The following PARD3B variants were observed in gnomAD, a reference collection of about 807,000 sequenced individuals.
PARD3B encodes partitioning defective 3 homolog B.
A neutral mutation model predicts 130.2 loss-of-function variants in PARD3B; 103 were observed. The ratio of observed to expected loss-of-function variants is 0.79; its 90% confidence interval spans 0.67 to 0.93. The LOEUF (loss-of-function observed/expected upper bound fraction) is 0.93. Among genes scored for constraint, PARD3B ranks in the 40% least tolerant of loss-of-function variants. PARD3B has a pLI of 0.00. For missense variants in PARD3B, 1,609 were observed against 1,499.2 expected (o/e 1.07, Z -1.21); for synonymous variants, 583 against 553.2 (o/e 1.05, Z -0.76).
At chr2:204,550,075 A>G (rs963913420) in intron 1 of PARD3B, among the ~76,000 whole-genome samples, 16 of 152,332 alleles carry the variant, frequency 1.1e-4, no homozygotes, top group African/African-American at 3.6e-4. Context: ...TTCATTTTAT[A>G]TAGACAGTTG....
chr2:205,183,768 G>GTC lies in PARD3B; in HGVS notation c.1925-1995_1925-1994insCT, dbSNP rs1390884831. Among the ~76,000 whole-genome samples, 5 of 150,602 alleles carry GTC rather than the reference G, an allele frequency of 3.3e-5. No individual in the cohort carries two copies. In the East Asian group the frequency reaches 9.7e-4, roughly 29 times the overall value. ...TGTGTGTGTGTGTGTGTGTGTGTGT[G>GTC]TGTGTGAACAGATTTATGATAAGGA... On this transcript the variant is annotated intron_variant, in intron 13 of 22. Coordinates refer to ENST00000406610, the MANE Select transcript of PARD3B (RefSeq NM_001302769.2). This position sits in a 1 kb window ranked among gnomAD's most constrained non-coding sequence, Gnocchi z 5.2.
At chr2:205,615,345 C>A in intron 22 of PARD3B, 111 bp from the exon 23 acceptor site, 1 of 834,402 alleles carries the variant, frequency 1.2e-6, no homozygotes, top group African/African-American at 1.7e-5. Flanking sequence ...ATCCCATTGG[C>A]CAGACCTATG....
chr2:205,534,397 AGT>A (rs2051744227), intron 21 of PARD3B, among the ~76,000 whole-genome samples: 1 of 151,830 alleles, frequency 6.6e-6, no homozygotes, highest in Non-Finnish European at 1.5e-5. Context: ...GAGGAGAGTG[AGT>A]GAGAAGGAGA....
chr2:205,003,378 G>A (rs1215507203), intron 3 of PARD3B, among the ~76,000 whole-genome samples: 1 of 152,056 alleles, frequency 6.6e-6, no homozygotes, highest in Non-Finnish European at 1.5e-5. Flanking sequence ...GGGCATTGGG[G>A]GTGGTTATTC....
rs528939587 is a variant in PARD3B, at chr2:205,407,746, T to C, written c.2741+6623T>C. On this transcript the variant is annotated intron_variant, in intron 19 of 22. Coordinates refer to ENST00000406610, the MANE Select transcript of PARD3B (RefSeq NM_001302769.2). The surrounding 1 kb of genome is among the most constrained non-coding windows in gnomAD (Gnocchi z 4.1). ...CACTGACACCAAAGACTGTCTTCCA[T>C]TGAAGTCCCATATTACTGACCCTGA... 1.8e-4 allele frequency among the ~76,000 whole-genome samples: 27 copies of C among 152,264 alleles called. No homozygotes were observed. The highest frequency in any genetic ancestry group is 1.7e-3 in the South Asian group (8 of 4,822).
At chr2:205,084,096 C>CA (rs558330125) in intron 4 of PARD3B, among the ~76,000 whole-genome samples, 9 of 151,866 alleles carry the variant, frequency 5.9e-5, no homozygotes, top group South Asian at 2.1e-4. Flanking sequence ...TCAAATATCT[C>CA]AAAAAAAATC....
chr2:204,605,239 C>T lies in PARD3B; in HGVS notation c.120+59120C>T, dbSNP rs181078439. Among the ~76,000 whole-genome samples, 334 of 152,262 alleles carry T rather than the reference C, an allele frequency of 2.2e-3. 3 individuals carry two copies. The highest frequency in any genetic ancestry group is 7.4e-3 in the African/African-American group (308 of 41,566). The stretch of plus-strand genomic sequence containing the variant: ...TTCAAGGAGAGGGGAATTAGACTTT[C>T]CATGCCAATGAGAGGAGTAGCAAAG... On this transcript the variant is annotated intron_variant, in intron 1 of 22. Transcript: ENST00000406610.
intron 15 of PARD3B, among the ~76,000 whole-genome samples, chr2:205,227,044 A>G (rs948553648): frequency 6.6e-6 from 1 of 150,568 alleles, no homozygotes; most frequent in Non-Finnish European, 1.5e-5. Context: ...AATATACTCG[A>G]TATAATTTCA....
chr2:204,747,881 C>T (rs1443177956), intron 2 of PARD3B, among the ~76,000 whole-genome samples: 5 of 151,954 alleles, frequency 3.3e-5, no homozygotes, highest in South Asian at 2.1e-4. Context: ...TTAATTTTAT[C>T]GCATTTACTA....
chr2:205,056,902 T>C lies in PARD3B; in HGVS notation c.504+9212T>C, dbSNP rs202179443. Among the ~76,000 whole-genome samples, 260 of 142,084 alleles carry C rather than the reference T, an allele frequency of 1.8e-3. 1 individual carries two copies. The highest frequency in any genetic ancestry group is 6.4e-3 in the African/African-American group (251 of 39,258). The allele number at this position is 142,084 out of a possible 152,430, so 93.2% of individuals were successfully genotyped here. On this transcript the variant is annotated intron_variant, in intron 4 of 22. Transcript: ENST00000406610. Reference sequence around the variant, plus strand: ...GGACACAAACACACACACACACACATACACACACACACATATATATATATA... The same window carrying C: ...GGACACAAACACACACACACACACACACACACACACACATATATATATATA...
intron 1 of PARD3B, among the ~76,000 whole-genome samples, chr2:204,670,194 A>G (rs1043503392): frequency 6.6e-6 from 1 of 152,206 alleles, no homozygotes; most frequent in Admixed American, 6.5e-5. Flanking sequence ...AGGGTTGGCA[A>G]AGTTATCTGT....
intron 19 of PARD3B, among the ~76,000 whole-genome samples, chr2:205,414,360 T>C (rs2046703429): frequency 6.6e-6 from 1 of 152,192 alleles, no homozygotes; most frequent in African/African-American, 2.4e-5. Context: ...AAAGAGAAGA[T>C]ATTCAGTAAA....
At chr2:204,729,288 G>C (rs892162974) in intron 2 of PARD3B, among the ~76,000 whole-genome samples, 3 of 152,140 alleles carry the variant, frequency 2.0e-5, no homozygotes, top group Admixed American at 1.3e-4. Flanking sequence ...CATTGATACT[G>C]ATGTCTCTTT....
intron 1 of PARD3B, among the ~76,000 whole-genome samples, chr2:204,653,659 C>T (rs1462910424): frequency 2.7e-5 from 4 of 150,178 alleles, no homozygotes; most frequent in African/African-American, 5.0e-5. Flanking sequence ...GGCATGGTAG[C>T]GGGCGCCTGT....
intron 3 of PARD3B, among the ~76,000 whole-genome samples, chr2:205,034,929 T>G (rs1226154043): frequency 6.6e-6 from 1 of 152,176 alleles, no homozygotes; most frequent in Non-Finnish European, 1.5e-5. Flanking sequence ...CTATCTCAGC[T>G]TACTGCAACC....
chr2:205,448,895 C>T (rs73055926), intron 20 of PARD3B, among the ~76,000 whole-genome samples: 6,812 of 152,016 alleles, frequency 0.045, 531 homozygotes, highest in African/African-American at 0.16. Context: ...GGTTGGGTGC[C>T]GTGGCTCAAG....
intron 16 of PARD3B, among the ~76,000 whole-genome samples, chr2:205,275,214 TC>T (rs1458752688): frequency 6.6e-6 from 1 of 151,808 alleles, no homozygotes; most frequent in Admixed American, 6.6e-5. Context: ...AAAAAGTCTC[TC>T]GAGTTTCACA....
chr2:204,763,708 C>A (rs937021042), intron 2 of PARD3B, among the ~76,000 whole-genome samples: 2 of 152,150 alleles, frequency 1.3e-5, no homozygotes, highest in African/African-American at 2.4e-5. Flanking sequence ...CAGTCCTGAA[C>A]AATATGTGGA....
chr2:205,283,630 A>T (rs539991498), intron 16 of PARD3B, among the ~76,000 whole-genome samples: 1 of 152,280 alleles, frequency 6.6e-6, no homozygotes, highest in Middle Eastern at 3.4e-3. Context: ...CATTACCCAA[A>T]CTATGGTCTG....
Sources: allele counts gnomAD v4.1 joint callset (sites outside exome capture counted in the v4.1 genomes callset), GRCh38; gene constraint gnomAD v4.1.1; non-coding constraint Gnocchi (gnomAD v3.1); transcripts MANE v1.5; gene names NCBI Gene and HGNC (gene_info 2026-07-23, HGNC 2026-07-21).